The following COL22A1 variants were observed in gnomAD, a reference collection of about 807,000 sequenced individuals.
The protein encoded by COL22A1 is collagen type XXII alpha 1 chain.
COL22A1 carries 221 observed loss-of-function variants against 248.9 expected under a neutral mutation model. The ratio of observed to expected loss-of-function variants is 0.89; its 90% confidence interval spans 0.80 to 0.99. The LOEUF is 0.99. Ranked by LOEUF, COL22A1 falls within the 50% of genes least tolerant of loss-of-function variation. COL22A1 has a pLI of 0.00. For synonymous variants in COL22A1, 891 were observed against 793.4 expected (o/e 1.12, Z -2.07); for missense variants, 2,240 against 2,179.0 (o/e 1.03, Z -0.56).
At position 138,883,165 on chromosome 8, in the gene COL22A1, C is replaced by T. The variant is rs1824375871; in HGVS notation, c.8G>A (p.Gly3Asp). 6.3e-7 allele frequency: 1 copy of T among 1,589,060 alleles called. No individual in the cohort carries two copies. Among genetic ancestry groups the T allele is most frequent in the African/African-American group, 1.3e-5 (1 of 74,602 alleles). Reference protein sequence around the residue: MAGLRGNAVAGLL... With the variant: MADLRGNAVAGLL... ...GCCAGCCACAGCGTTCCCTCGGAGG[C>T]CGGCCATGGCTCTCCTGTTCTTGGG... The change falls in exon 2 of 65, where the codon GGC becomes GAC. Residue 3 changes from glycine to aspartate, a missense_variant. Gly to Asp is a moderately conservative substitution (Grantham distance 94). Coordinates refer to ENST00000303045, the MANE Select transcript of COL22A1 (RefSeq NM_152888.3).
rs994811417 is a variant in COL22A1, at chr8:138,876,212, A to G, written c.658+1538T>C. 3.9e-5 allele frequency among the ~76,000 whole-genome samples: 6 copies of G among 152,096 alleles called. No individual in the cohort carries two copies. In the South Asian group the frequency reaches 8.3e-4, roughly 21 times the overall value. ...CCCATCATGGTTCATTGACCATGTCATGGCATCCTTTAATCCCACTCCATC... is the reference window on the plus strand; with the variant it reads ...CCCATCATGGTTCATTGACCATGTCGTGGCATCCTTTAATCCCACTCCATC... On this transcript the variant is annotated intron_variant, in intron 3 of 64. Transcript: ENST00000303045.
In COL22A1 at chr8:138,693,704, A is replaced by G. The variant is rs1353730343; in HGVS notation, c.2701-5T>C. 2 of 1,568,486 alleles carry G rather than the reference A, an allele frequency of 1.3e-6. No homozygotes were observed. Among genetic ancestry groups the G allele is most frequent in the Non-Finnish European group, 1.7e-6 (2 of 1,156,140 alleles). ...ACCTTCCTGTCCCTTGGCACCCTGC[A>G]CAGGAAATAAAAGAGGGGCGGGGGT... is the stretch of plus-strand genomic sequence containing the variant. On this transcript the variant is annotated splice_region_variant and splice_polypyrimidine_tract_variant and intron_variant, in intron 34 of 64. Coordinates refer to ENST00000303045, the MANE Select transcript of COL22A1 (RefSeq NM_152888.3).
rs1219877104 is a variant in COL22A1, at chr8:138,694,371, G to A, written c.2700+137C>T. On this transcript the variant is annotated intron_variant, in intron 34 of 64. Transcript: ENST00000303045. ...TAGTGAGGGCCACTCAGCCTCTGCA[G>A]CACATTGGGGCTGCTCTGCCCAGCG... 1.1e-5 allele frequency: 10 copies of A among 889,372 alleles called. No individual in the cohort carries two copies. In the African/African-American group the frequency reaches 1.5e-4, roughly 13 times the overall value. 55.1% of individuals were successfully genotyped at this position (889,372 alleles called of 1,614,324 possible). A position where few individuals can be genotyped will look rare whatever the true frequency, so the allele number is the denominator to read the frequency against.
intron 20 of COL22A1, 136 bp from the exon 21 acceptor site, chr8:138,755,346 G>A: frequency 7.9e-7 from 1 of 1,260,480 alleles, no homozygotes. Context: ...ATGGGAGTGG[G>A]TATTTGCATT....
chr8:138,676,256 C>T (rs1466652389), intron 41 of COL22A1, among the ~76,000 whole-genome samples: 2 of 151,014 alleles, frequency 1.3e-5, no homozygotes, highest in South Asian at 2.1e-4. Flanking sequence ...ATTAGCCAGG[C>T]GTGGTGGCAG....
At chr8:138,817,635 C>T (rs1311520810) in intron 7 of COL22A1, among the ~76,000 whole-genome samples, 1 of 152,250 alleles carries the variant, frequency 6.6e-6, no homozygotes, top group African/African-American at 2.4e-5. Flanking sequence ...GTTTAGGGGT[C>T]GACCATATAA....
At chr8:138,849,200 G>A (rs867316005) in intron 3 of COL22A1, among the ~76,000 whole-genome samples, 8 of 152,178 alleles carry the variant, frequency 5.3e-5, no homozygotes, top group South Asian at 2.1e-4. Flanking sequence ...CTGAGCGCCC[G>A]CGTGGCTAGG....
intron 9 of COL22A1, among the ~76,000 whole-genome samples, chr8:138,811,041 G>A (rs990668985): frequency 2.0e-5 from 3 of 152,094 alleles, no homozygotes; most frequent in Admixed American, 6.5e-5. Context: ...TCTACTTGGC[G>A]TCTGCCTTTT....
intron 6 of COL22A1, among the ~76,000 whole-genome samples, 177 bp downstream of exon 6, chr8:138,826,481 C>A (rs1736354744): frequency 6.6e-6 from 1 of 152,110 alleles, no homozygotes; most frequent in African/African-American, 2.4e-5. Context: ...GAAGCTAGAC[C>A]TCTTGGGTCT....
chr8:138,799,472 G>GT, intron 11 of COL22A1, among the ~76,000 whole-genome samples: 1 of 152,202 alleles, frequency 6.6e-6, no homozygotes, highest in South Asian at 2.1e-4. Flanking sequence ...AATTGTTTTT[G>GT]TTCTTTTCTT....
At chr8:138,609,161 G>A (rs1016027619) in intron 56 of COL22A1, among the ~76,000 whole-genome samples, 2 of 152,308 alleles carry the variant, frequency 1.3e-5, no homozygotes, top group Non-Finnish European at 2.9e-5. Flanking sequence ...TTTGCATTTT[G>A]CATGCATTAA....
At chr8:138,747,055 GA>G (rs2131318606) in intron 22 of COL22A1, among the ~76,000 whole-genome samples, 1 of 152,326 alleles carries the variant, frequency 6.6e-6, no homozygotes, top group East Asian at 1.9e-4. Flanking sequence ...GCAGCTTCAA[GA>G]AGCAGTGTTC....
chr8:138,704,709 G>T (rs1828263470), intron 30 of COL22A1, among the ~76,000 whole-genome samples: 1 of 152,154 alleles, frequency 6.6e-6, no homozygotes, highest in Non-Finnish European at 1.5e-5. Context: ...CTAAAAATCA[G>T]AGCGCCTCGC....
intron 31 of COL22A1, among the ~76,000 whole-genome samples, chr8:138,701,498 A>C (rs953340448): frequency 6.6e-6 from 1 of 152,188 alleles, no homozygotes; most frequent in Non-Finnish European, 1.5e-5. Context: ...TCTAGAAGGC[A>C]CTGTTTTTCA....
chr8:138,692,977 G>A (rs929615069), intron 35 of COL22A1, among the ~76,000 whole-genome samples: 9 of 152,142 alleles, frequency 5.9e-5, no homozygotes, highest in African/African-American at 2.2e-4. Flanking sequence ...CAGACCAGAC[G>A]TGTGCTGCTG....
At chr8:138,661,117 C>G (rs1341900690) in intron 43 of COL22A1, among the ~76,000 whole-genome samples, 7 of 152,080 alleles carry the variant, frequency 4.6e-5, no homozygotes, top group African/African-American at 1.4e-4. Flanking sequence ...CAGACACACA[C>G]ACCCTGTCTT....
intron 1 of COL22A1, among the ~76,000 whole-genome samples, chr8:138,898,538 C>T (rs1271619238): frequency 1.3e-5 from 2 of 152,066 alleles, no homozygotes; most frequent in Non-Finnish European, 2.9e-5. Context: ...CAGACACTTG[C>T]TACTTCACCT....
chr8:138,664,209 G>GCGCGCGCA lies in COL22A1; in HGVS notation c.3151-470_3151-469insTGCGCGCG, dbSNP rs1440442280. 5.2e-3 allele frequency among the ~76,000 whole-genome samples: 535 copies of GCGCGCGCA among 103,142 alleles called. 4 individuals carry two copies. The highest frequency in any genetic ancestry group is 0.015 in the East Asian group (46 of 3,090). The allele number at this position is 103,142 out of a possible 152,430, so 67.7% of individuals were successfully genotyped here. ...CAACAAGGGGTGCGCGCGCGCGCGC[G>GCGCGCGCA]CACACACACACACACACACACACAC... On this transcript the variant is annotated intron_variant, in intron 41 of 64. Transcript: ENST00000303045.
intron 9 of COL22A1, 40 bp downstream of exon 9, chr8:138,811,759 C>A: frequency 6.2e-7 from 1 of 1,612,208 alleles, no homozygotes; most frequent in Non-Finnish European, 8.5e-7. Context: ...CTGCACCACC[C>A]AGGGTTCTGC....
Sources: gnomAD v4.1 joint callset for allele counts (sites outside exome capture counted in the v4.1 genomes callset) on GRCh38, gnomAD v4.1.1 for gene constraint, MANE v1.5 for transcripts, NCBI Gene and HGNC (gene_info 2026-07-23, HGNC 2026-07-21) for gene names.